Variants in DDX49 observed in about 807,000 individuals in gnomAD.
DDX49 encodes DEAD-box helicase 49.
In DDX49, 50 loss-of-function variants were observed where a neutral mutation model predicts 56.3. The observed-to-expected ratio is 0.89, with a 90% CI of 0.71 to 1.12. DDX49 has a LOEUF of 1.12. DDX49 is among the 50% of genes most tolerant of loss of function. DDX49 has a pLI of 0.00. For synonymous variants in DDX49, 269 were observed against 270.6 expected (o/e 0.99, Z 0.06); for missense variants, 614 against 650.5 (o/e 0.94, Z 0.61).
chr19:18,928,423 A>C lies in DDX49; in HGVS notation c.*107A>C. ...TTCCCGGGGGCCTACCCAGTGCCCC[A>C]CAGCAGAACCCGTGGGCGCTCGTGT... On this transcript the variant is annotated 3_prime_UTR_variant, in exon 13 of 13. Transcript: ENST00000247003. 2.6e-6 allele frequency: 3 copies of C among 1,150,696 alleles called. No homozygotes were observed. Among genetic ancestry groups the C allele is most frequent in the Non-Finnish European group, 2.4e-6 (2 of 840,264 alleles). 71.3% of individuals were successfully genotyped at this position (1,150,696 alleles called of 1,614,324 possible). A position where few individuals can be genotyped will look rare whatever the true frequency, so the allele number is the denominator to read the frequency against.
chr19:18,920,759 A>G, intron 2 of DDX49, 56 bp downstream of exon 2: 2 of 1,534,584 alleles, frequency 1.3e-6, no homozygotes, highest in Non-Finnish European at 1.8e-6. Context: ...TCTCTTGGGC[A>G]AGCACCTTTC....
At position 18,926,395 on chromosome 19, in the gene DDX49, G is replaced by C; in HGVS notation, c.1102+18G>C. Reference sequence around the variant, plus strand: ...GCAGATCAGTGAGTGGGGTTGGGGTGGGTGGTAGAGAAGGAGGGGTGGGGT... The same window carrying C: ...GCAGATCAGTGAGTGGGGTTGGGGTCGGTGGTAGAGAAGGAGGGGTGGGGT... On this transcript the variant is annotated intron_variant, in intron 10 of 12. Transcript: ENST00000247003. 6.5e-7 allele frequency: 1 copy of C among 1,535,318 alleles called. No individual in the cohort carries two copies. The highest frequency in any genetic ancestry group is 8.8e-7 in the Non-Finnish European group (1 of 1,134,622).
intron 6 of DDX49, among the ~76,000 whole-genome samples, 178 bp from the exon 7 acceptor site, chr19:18,924,055 G>A (rs1327010807): frequency 2.6e-5 from 4 of 152,014 alleles, no homozygotes; most frequent in South Asian, 2.1e-4. Context: ...TGATCCACCC[G>A]CCTCAGTCTC....
At chr19:18,924,764 A>C (rs2145103861) in intron 8 of DDX49, 65 bp downstream of exon 8, 1 of 1,613,438 alleles carries the variant, frequency 6.2e-7, no homozygotes, top group East Asian at 2.2e-5. Context: ...CACAGATGAG[A>C]AGGCTGGCCT....
chr19:18,928,436 T>C lies in DDX49; in HGVS notation c.*120T>C, dbSNP rs1601260504. 4 of 1,004,722 alleles carry C rather than the reference T, an allele frequency of 4.0e-6. No homozygotes were observed. The African/African-American group carries it at 6.5e-5, about 16-fold the overall frequency. The allele number at this position is 1,004,722 out of a possible 1,614,324, so 62.2% of individuals were successfully genotyped here. A position where few individuals can be genotyped will look rare whatever the true frequency, so the allele number is the denominator to read the frequency against. ...ACCCAGTGCCCCACAGCAGAACCCG[T>C]GGGCGCTCGTGTTGTGCGGGCCCTG... is the stretch of plus-strand genomic sequence containing the variant. On this transcript the variant is annotated 3_prime_UTR_variant, in exon 13 of 13. Coordinates refer to ENST00000247003, the MANE Select transcript of DDX49 (RefSeq NM_019070.5).
intron 10 of DDX49, among the ~76,000 whole-genome samples, chr19:18,927,272 A>G (rs368461473): frequency 3.0e-4 from 45 of 152,098 alleles, no homozygotes; most frequent in African/African-American, 1.0e-3. Context: ...CGTAGTTCCA[A>G]CTACTCAAGA....
At chr19:18,923,619 C>G (rs2056936652) in intron 6 of DDX49, among the ~76,000 whole-genome samples, 1 of 152,130 alleles carries the variant, frequency 6.6e-6, no homozygotes, top group Admixed American at 6.6e-5. Context: ...CTGTGCCCCT[C>G]TTTCTCCTCT....
At chr19:18,919,995 G>A in intron 1 of DDX49, 139 bp downstream of exon 1, 2 of 598,392 alleles carry the variant, frequency 3.3e-6, no homozygotes, top group Non-Finnish European at 5.7e-6. Flanking sequence ...GGTTCCGGAG[G>A]ACGACTGGAC....
At chr19:18,920,728 G>A in intron 2 of DDX49, 25 bp downstream of exon 2, 1 of 1,583,770 alleles carries the variant, frequency 6.3e-7, no homozygotes. Flanking sequence ...GGCCTCCTGG[G>A]TATGGGTTAA....
rs1488940642 is a variant in DDX49, at chr19:18,924,306, C to T, written c.850C>T (p.Gln284Ter). 5 of 1,612,624 alleles carry T rather than the reference C, an allele frequency of 3.1e-6. No individual in the cohort carries two copies. The African/African-American group carries it at 5.4e-5, about 17-fold the overall frequency. The change falls in exon 7 of 13, where the codon CAG becomes TAG. Residue 284 changes from glutamine (Q) to a stop codon, truncating the protein, a stop_gained and splice_region_variant. Transcript: ENST00000247003. LOFTEE classifies it high-confidence loss of function. ...PTVALHSMMK[Q>*]KERFAALAKF... ...CGTGGCTCTGCACTCCATGATGAAG[C>T]AGGTGAGGCCACCCTGGGGCCCGCC... is the stretch of plus-strand genomic sequence containing the variant.
At chr19:18,922,106 A>G in intron 4 of DDX49, 142 bp downstream of exon 4, 1 of 1,292,706 alleles carries the variant, frequency 7.7e-7, no homozygotes. Context: ...AACAGTGACA[A>G]GGACCGTTCA....
intron 6 of DDX49, among the ~76,000 whole-genome samples, chr19:18,923,523 G>GA (rs1353440755): frequency 2.0e-5 from 3 of 152,088 alleles, no homozygotes; most frequent in Admixed American, 6.6e-5. Flanking sequence ...CTGTCTCAGG[G>GA]AAAAAGAGAG....
At chr19:18,922,831 C>G (rs764143898) in intron 6 of DDX49, 87 bp downstream of exon 6, 1 of 1,494,298 alleles carries the variant, frequency 6.7e-7, no homozygotes, top group South Asian at 1.2e-5. Context: ...CAGCCAGTCT[C>G]AGCACTCCCC....
rs771832165 is a variant in DDX49 at position 18,922,523 on chromosome 19, C to T, written c.635+10C>T. 44 of 1,597,088 alleles carry T rather than the reference C, an allele frequency of 2.8e-5. 1 individual carries two copies. In the South Asian group the frequency reaches 4.7e-4, roughly 17 times the overall value. On this transcript the variant is annotated intron_variant, in intron 5 of 12. Transcript: ENST00000247003. The stretch of plus-strand genomic sequence containing the variant: ...GGGAAGCACAGGCCCCGTGAGTCCA[C>T]AGCCCAGACAGCGTGGGGAGGGCAG...
chr19:18,923,447 G>C (rs994948504), intron 6 of DDX49, among the ~76,000 whole-genome samples: 1 of 152,092 alleles, frequency 6.6e-6, no homozygotes, highest in Non-Finnish European at 1.5e-5. Context: ...ACTTGAACCC[G>C]GTAGGTGGAG....
In DDX49 at chr19:18,922,621, A is replaced by T. The variant is rs865976439; in HGVS notation, c.653A>T (p.Gln218Leu). 4 of 1,613,240 alleles carry T rather than the reference A, an allele frequency of 2.5e-6. No individual in the cohort carries two copies. In the Middle Eastern group the frequency reaches 5.0e-4, roughly 200 times the overall value. Residue 218 changes from glutamine to leucine, a missense_variant, in exon 6 of 13, where the codon CAG becomes CTG. By Grantham distance (113) the Gln-to-Leu change is moderately radical. Coordinates refer to ENST00000247003, the MANE Select transcript of DDX49 (RefSeq NM_019070.5). ...ATCCCCAGGGTGAGCACCGTGGAGCAGCTGGACCAGCGCTACCTGCTGGTG... is the reference window on the plus strand; with the variant it reads ...ATCCCCAGGGTGAGCACCGTGGAGCTGCTGGACCAGCGCTACCTGCTGGTG... ...EAQAPVSTVE[Q>L]LDQRYLLVPE...
Position 18,924,956 on chromosome 19 carries a change from G to A in DDX49, c.1004G>A (p.Arg335Gln). Residue 335 changes from arginine to glutamine, a missense_variant, in exon 9 of 13, where the codon CGA becomes CAA. Arg to Gln is a conservative substitution (Grantham distance 43). Coordinates refer to ENST00000247003, the MANE Select transcript of DDX49 (RefSeq NM_019070.5). ...TPGLPKIYIH[R>Q]VGRTARAGRQ... is the part of the protein sequence containing the mutation. ...GGGCTCCCCAAGATCTACATCCACC[G>A]AGTCGGCCGGACGGCCCGTGCAGGT... is the stretch of plus-strand genomic sequence containing the variant. 2.5e-6 allele frequency: 4 copies of A among 1,611,944 alleles called. No homozygotes were observed. Among genetic ancestry groups the A allele is most frequent in the Admixed American group, 1.7e-5 (1 of 60,024 alleles).
rs886281095 is a variant in DDX49 at position 18,922,345 on chromosome 19, G to A, written c.467G>A (p.Arg156Gln). The A allele has an allele frequency of 5.0e-6, 8 of 1,611,436 alleles. No individual in the cohort carries two copies. Among genetic ancestry groups the A allele is most frequent in the African/African-American group, 1.3e-5 (1 of 75,066 alleles). The change falls in exon 5 of 13, where the codon CGG (arginine) becomes CAG (glutamine). Residue 156 changes from arginine (R) to glutamine (Q), a missense_variant. Physicochemically the swap from Arg to Gln is conservative, Grantham distance 43. Coordinates refer to ENST00000247003, the MANE Select transcript of DDX49 (RefSeq NM_019070.5). ...IRFLVMDEAD[R>Q]LLEQGCTDFT... is the part of the protein sequence containing the mutation. ...CGGCAGGTGATGGATGAGGCAGACCGGCTGCTGGAACAGGGCTGCACTGAC... is the reference window on the plus strand; with the variant it reads ...CGGCAGGTGATGGATGAGGCAGACCAGCTGCTGGAACAGGGCTGCACTGAC...
rs1266866353 is a variant in DDX49, at chr19:18,924,869, C to T, written c.930-13C>T. 6 of 1,612,702 alleles carry T rather than the reference C, an allele frequency of 3.7e-6. No homozygotes were observed. The highest frequency in any genetic ancestry group is 1.3e-5 in the African/African-American group (1 of 75,072). On this transcript the variant is annotated splice_polypyrimidine_tract_variant and intron_variant, in intron 8 of 12. Transcript: ENST00000247003. ...CATGGACAGTGGAGCTGACCAGCCA[C>T]CTCTGCCTCCAGGGGCCTGGACATC...
Sources: gnomAD v4.1 joint callset for allele counts (sites outside exome capture counted in the v4.1 genomes callset) on GRCh38, gnomAD v4.1.1 for gene constraint, MANE v1.5 for transcripts, NCBI Gene and HGNC (gene_info 2026-07-23, HGNC 2026-07-21) for gene names.